Variants in LIMCH1 observed in about 807,000 individuals in gnomAD.
The protein encoded by LIMCH1 is LIM and calponin homology domains 1.
In LIMCH1, 113 loss-of-function variants were observed where a neutral mutation model predicts 176.5. The ratio of observed to expected loss-of-function variants is 0.64; its 90% confidence interval spans 0.55 to 0.75. The LOEUF (loss-of-function observed/expected upper bound fraction) is 0.75. Ranked by LOEUF, LIMCH1 falls within the 30% of genes least tolerant of loss-of-function variation. LIMCH1 has a pLI of 0.00. For synonymous variants in LIMCH1, 619 were observed against 645.9 expected, an observed-to-expected ratio of 0.96 and a Z score of 0.63; for missense variants, 1,674 against 1,814.9, an observed-to-expected ratio of 0.92 and a Z score of 1.41.
At chr4:41,637,517 T>C (rs1006797339) in intron 13 of LIMCH1, among the ~76,000 whole-genome samples, 2 of 152,220 alleles carry the variant, frequency 1.3e-5, no homozygotes, top group African/African-American at 4.8e-5. Context: ...AGAACCCACT[T>C]GTCATCTGCT....
At chr4:41,558,272 T>A (rs1401262343) in intron 1 of LIMCH1, among the ~76,000 whole-genome samples, 1 of 152,092 alleles carries the variant, frequency 6.6e-6, no homozygotes, top group African/African-American at 2.4e-5. Flanking sequence ...AAAGTTTGTC[T>A]CTTAGAGTTG....
rs1184983301 is a variant in LIMCH1, at chr4:41,699,673, A to T, written c.*2488A>T. ...TATTGTTCCTGAGGAAGTATATCTG[A>T]TTTTTTTTCTCATACTCCAAAAGCT... On this transcript the variant is annotated 3_prime_UTR_variant, in exon 32 of 32. Transcript: ENST00000503057. The T allele has an allele frequency of 6.6e-6, 1 of 152,012 alleles. No individual in the cohort carries two copies. Among genetic ancestry groups the T allele is most frequent in the Non-Finnish European group, 1.5e-5 (1 of 67,986 alleles). 9.4% of individuals were successfully genotyped at this position (152,012 alleles called of 1,614,324 possible). A position where few individuals can be genotyped will look rare whatever the true frequency, so the allele number is the denominator to read the frequency against.
At chr4:41,624,314 C>T (rs138034601) in intron 7 of LIMCH1, among the ~76,000 whole-genome samples, 76 of 151,778 alleles carry the variant, frequency 5.0e-4, no homozygotes, top group African/African-American at 1.5e-3. Context: ...GGTGTGGGGG[C>T]GTAAAAAAAC....
chr4:41,647,707 A>G lies in LIMCH1; in HGVS notation c.2820+814A>G, dbSNP rs112135834. Among the ~76,000 whole-genome samples, 311 of 152,344 alleles carry G rather than the reference A, an allele frequency of 2.0e-3. 2 individuals carry two copies. Among genetic ancestry groups the G allele is most frequent in the African/African-American group, 7.2e-3 (301 of 41,582 alleles). On this transcript the variant is annotated intron_variant, in intron 17 of 31. Transcript: ENST00000503057. The stretch of plus-strand genomic sequence containing the variant: ...TTGGAGATGTGACCATTAGATAGAA[A>G]AGTTTTCGTAACTGATTGAGCAGTG...
At chr4:41,526,974 CT>C (rs2076727265) in intron 3 of LIMCH1, among the ~76,000 whole-genome samples, 1 of 152,162 alleles carries the variant, frequency 6.6e-6, no homozygotes, top group African/African-American at 2.4e-5. Flanking sequence ...TGAATGGTGC[CT>C]TTTCTTGTGA....
intron 1 of LIMCH1, among the ~76,000 whole-genome samples, chr4:41,374,759 G>A (rs1311390758): frequency 6.6e-6 from 1 of 152,080 alleles, no homozygotes; most frequent in Non-Finnish European, 1.5e-5. Flanking sequence ...CCACCGTGCT[G>A]TGCATTGTGT....
intron 1 of LIMCH1, among the ~76,000 whole-genome samples, chr4:41,408,532 C>A (rs1228927740): frequency 6.6e-6 from 1 of 152,090 alleles, no homozygotes; most frequent in Non-Finnish European, 1.5e-5. Context: ...CTCTGCAGAC[C>A]CTCAAAATAT....
intron 1 of LIMCH1, among the ~76,000 whole-genome samples, chr4:41,475,920 A>G (rs1430939741): frequency 1.3e-5 from 2 of 152,228 alleles, no homozygotes; most frequent in Admixed American, 6.5e-5. Context: ...TAAAAATACA[A>G]TCAAGGACCT....
rs756873882 is a variant in LIMCH1, at chr4:41,646,902, A to G, written c.2820+9A>G. ...TTCTGAAGACCTTTAAGGTAGGACA[A>G]GTTCCTTAAGAGTAGAACCAAAGCT... On this transcript the variant is annotated intron_variant, in intron 17 of 31. Coordinates refer to ENST00000503057, the MANE Select transcript of LIMCH1 (RefSeq NM_001330672.2). 3 of 1,604,404 alleles carry G rather than the reference A, an allele frequency of 1.9e-6. No homozygotes were observed. Among genetic ancestry groups the G allele is most frequent in the Non-Finnish European group, 1.7e-6 (2 of 1,172,264 alleles).
rs553264765 is a variant in LIMCH1, at chr4:41,512,618, A to T, written c.168-11791A>T. 6.0e-5 allele frequency among the ~76,000 whole-genome samples: 5 copies of T among 82,662 alleles called. No homozygotes were observed. In the South Asian group the frequency reaches 1.2e-3, roughly 20 times the overall value. The allele number at this position is 82,662 out of a possible 152,430, so 54.2% of individuals were successfully genotyped here. A position where few individuals can be genotyped will look rare whatever the true frequency, so the allele number is the denominator to read the frequency against. On this transcript the variant is annotated intron_variant, in intron 2 of 26. Transcript: ENST00000313860. ...GCATGCTACAACATGGATGAACCTT[A>T]AAAGCATGTTAAATGAAAGAAACCA... is the stretch of plus-strand genomic sequence containing the variant.
rs575665560 is a variant in LIMCH1 at position 41,426,060 on chromosome 4, C to T, written c.96+65124C>T. ...TTTTTGAGACGGAGTCTCGCTCTGT[C>T]GCCCAGGCTGGAGTGCAGTGGCGGG... On this transcript the variant is annotated intron_variant, in intron 1 of 26. Transcript: ENST00000313860. Among the ~76,000 whole-genome samples the T allele has an allele frequency of 9.7e-5, 12 of 123,746 alleles. No individual in the cohort carries two copies. In the South Asian group the frequency reaches 2.1e-3, roughly 22 times the overall value. The allele number at this position is 123,746 out of a possible 152,430, so 81.2% of individuals were successfully genotyped here.
At chr4:41,658,264 C>T (rs538743566) in intron 18 of LIMCH1, among the ~76,000 whole-genome samples, 14 of 152,322 alleles carry the variant, frequency 9.2e-5, no homozygotes, top group African/African-American at 2.9e-4. Context: ...AGCACTGACA[C>T]GTGGCAAGTG....
intron 7 of LIMCH1, among the ~76,000 whole-genome samples, chr4:41,625,039 C>T (rs1276170974): frequency 2.0e-5 from 3 of 152,206 alleles, no homozygotes; most frequent in Non-Finnish European, 2.9e-5. Flanking sequence ...CAAAGCTACT[C>T]ATCTATGAGT....
Position 41,663,852 on chromosome 4 carries a change from T to TAAAA in LIMCH1, c.3291+886_3291+889dup, listed in dbSNP as rs34659309. Reference sequence around the variant, plus strand: ...GGGCAACCCAGAAAGTCTTCATCTCTAAAAAAAAAAAAAAAAAAAAATAGT... The same window carrying TAAAA: ...GGGCAACCCAGAAAGTCTTCATCTCTAAAAAAAAAAAAAAAAAAAAAAAAATAGT... On this transcript the variant is annotated intron_variant, in intron 20 of 31. Coordinates refer to ENST00000503057, the MANE Select transcript of LIMCH1 (RefSeq NM_001330672.2). Among the ~76,000 whole-genome samples the TAAAA allele has an allele frequency of 1.8e-3, 152 of 82,746 alleles. 4 individuals carry two copies. The highest frequency in any genetic ancestry group is 5.8e-3 in the African/African-American group (109 of 18,946). The allele number at this position is 82,746 out of a possible 152,430, so 54.3% of individuals were successfully genotyped here.
intron 30 of LIMCH1, among the ~76,000 whole-genome samples, chr4:41,691,592 CAAAAAAAAAAAA>C (rs796984431): frequency 1.1e-4 from 7 of 62,392 alleles, no homozygotes; most frequent in East Asian, 1.2e-3. Flanking sequence ...ACTAAAAATA[CAAAAAAAAAAAA>C]AAAAAAAAAA....
chr4:41,509,296 C>T (rs2074550286), intron 2 of LIMCH1, among the ~76,000 whole-genome samples: 1 of 152,160 alleles, frequency 6.6e-6, no homozygotes, highest in South Asian at 2.1e-4. Flanking sequence ...TCTTCCAACC[C>T]CTCTTCTGTA....
intron 1 of LIMCH1, among the ~76,000 whole-genome samples, chr4:41,394,775 G>T (rs575111899): frequency 6.6e-6 from 1 of 152,138 alleles, no homozygotes; most frequent in East Asian, 1.9e-4. Context: ...AGCATCTTTC[G>T]TGGTGGAGGA....
At chr4:41,638,783 T>C (rs952590413) in intron 13 of LIMCH1, 149 bp from the exon 14 acceptor site, 2 of 719,216 alleles carry the variant, frequency 2.8e-6, no homozygotes, top group Non-Finnish European at 4.9e-6. Flanking sequence ...CAATGAATAT[T>C]GCTAATTGTA....
chr4:41,646,865 A>C lies in LIMCH1; in HGVS notation c.2792A>C (p.Asn931Thr), dbSNP rs766443648. The C allele has an allele frequency of 3.7e-6, 6 of 1,613,728 alleles. No individual in the cohort carries two copies. In the African/African-American group the frequency reaches 5.3e-5, roughly 14 times the overall value. The change falls in exon 17 of 32, where the codon AAT becomes ACT. Residue 931 changes from asparagine (N) to threonine (T), a missense_variant. Asn to Thr is a moderately conservative substitution (Grantham distance 65). This residue lies in a region of LIMCH1 where 1,015 missense variants were observed against 1,102.5 expected (regional missense o/e 0.92). Coordinates refer to ENST00000503057, the MANE Select transcript of LIMCH1 (RefSeq NM_001330672.2). Reference protein sequence around the residue: ...LTPKPYSQPKNSQDVLKTFKV... With the variant: ...LTPKPYSQPKTSQDVLKTFKV... ...CCCAAGCCTTACTCCCAGCCCAAAAATTCTCAAGATGTTCTGAAGACCTTT... is the reference window on the plus strand; with the variant it reads ...CCCAAGCCTTACTCCCAGCCCAAAACTTCTCAAGATGTTCTGAAGACCTTT...
Sources: gnomAD v4.1 joint callset for allele counts (sites outside exome capture counted in the v4.1 genomes callset) on GRCh38, gnomAD v4.1.1 for gene constraint, gnomAD v4.1.1 regional missense constraint, MANE v1.5 for transcripts, NCBI Gene and HGNC (gene_info 2026-07-23, HGNC 2026-07-21) for gene names.